The following SLC30A5 variants were observed in gnomAD, a reference collection of about 807,000 sequenced individuals.
SLC30A5 encodes proton-coupled zinc antiporter SLC30A5.
Under a neutral mutation model 79.6 loss-of-function variants are expected in SLC30A5, and 33 were observed. That is an observed-to-expected ratio of 0.41 (90% confidence interval 0.31 to 0.55). The LOEUF (loss-of-function observed/expected upper bound fraction) is 0.55, where lower values mean the gene tolerates loss of function less well. SLC30A5 is among the 20% of genes least tolerant of loss of function. The pLI, the probability that SLC30A5 is intolerant of heterozygous loss-of-function variation, is 0.20. For synonymous variants in SLC30A5, 299 were observed against 319.7 expected (o/e 0.94, Z 0.69); for missense variants, 788 against 928.1 (o/e 0.85, Z 1.96).
chr5:69,113,076 A>T, intron 5 of SLC30A5, 64 bp from the exon 6 acceptor site: 1 of 1,266,368 alleles, frequency 7.9e-7, no homozygotes, highest in Non-Finnish European at 1.1e-6. Context: ...GTATTTATGT[A>T]GTTACGGTCT....
chr5:69,104,776 TTG>T lies in SLC30A5; in HGVS notation c.359+62_359+63del, dbSNP rs1424108030. Reference sequence around the variant, plus strand: ...TATTTCTTCATTTTGAATATTATTTTTGTTCCACTGTGTTTTACGTCAAATAT... The same window carrying T: ...TATTTCTTCATTTTGAATATTATTTTTTCCACTGTGTTTTACGTCAAATAT... On this transcript the variant is annotated intron_variant, in intron 4 of 15. Coordinates refer to ENST00000396591, the MANE Select transcript of SLC30A5 (RefSeq NM_022902.5). The T allele has an allele frequency of 3.9e-6, 6 of 1,519,810 alleles. No individual in the cohort carries two copies. The East Asian group carries it at 1.1e-4, about 29-fold the overall frequency. 94.1% of individuals were successfully genotyped at this position (1,519,810 alleles called of 1,614,324 possible).
chr5:69,110,548 T>A (rs1746204348), intron 5 of SLC30A5, among the ~76,000 whole-genome samples: 1 of 152,144 alleles, frequency 6.6e-6, no homozygotes, highest in Non-Finnish European at 1.5e-5. Flanking sequence ...CCAAAATAAA[T>A]TTCAAGTGGA....
chr5:69,118,476 T>G, intron 11 of SLC30A5, 23 bp from the exon 12 acceptor site: 1 of 1,580,758 alleles, frequency 6.3e-7, no homozygotes, highest in Non-Finnish European at 8.6e-7. Flanking sequence ...TTTCCTTTTC[T>G]GAAAAATGTT....
chr5:69,115,885 A>C, intron 8 of SLC30A5, 41 bp from the exon 9 acceptor site: 14 of 1,441,926 alleles, frequency 9.7e-6, no homozygotes, highest in South Asian at 1.3e-5. Context: ...TGTGAACTTT[A>C]TACATGTATA....
chr5:69,122,122 A>G (rs541105359), intron 13 of SLC30A5, among the ~76,000 whole-genome samples: 4 of 152,334 alleles, frequency 2.6e-5, no homozygotes, highest in Admixed American at 1.3e-4. Flanking sequence ...GGCTGGGAGC[A>G]TGGTGGTTCA....
intron 7 of SLC30A5, 123 bp from the exon 8 acceptor site, chr5:69,115,114 G>C (rs970643176): frequency 2.7e-6 from 2 of 741,488 alleles, no homozygotes; most frequent in Admixed American, 2.9e-5. Context: ...CTGGGTGGCA[G>C]AGCAAGACCC....
intron 1 of SLC30A5, among the ~76,000 whole-genome samples, chr5:69,098,416 C>T (rs1289741880): frequency 6.6e-6 from 1 of 152,030 alleles, no homozygotes; most frequent in Non-Finnish European, 1.5e-5. Flanking sequence ...ATCCCAGCTA[C>T]TCAGGAGGCT....
At chr5:69,096,319 T>C (rs1745729539) in intron 1 of SLC30A5, among the ~76,000 whole-genome samples, 1 of 152,228 alleles carries the variant, frequency 6.6e-6, no homozygotes, top group African/African-American at 2.4e-5. Flanking sequence ...CTTGTAACTT[T>C]TACGTAAACT....
chr5:69,105,199 C>T (rs1167554026), intron 4 of SLC30A5, among the ~76,000 whole-genome samples: 1 of 152,114 alleles, frequency 6.6e-6, no homozygotes. Flanking sequence ...GTAAACTACT[C>T]CCATTTCATA....
intron 15 of SLC30A5, 90 bp from the exon 16 acceptor site, chr5:69,129,357 C>T (rs1746788095): frequency 1.1e-6 from 1 of 890,352 alleles, no homozygotes; most frequent in Non-Finnish European, 1.6e-6. Context: ...TAAAGATACT[C>T]AACCCGTATC....
intron 1 of SLC30A5, among the ~76,000 whole-genome samples, chr5:69,096,815 G>C (rs900231765): frequency 6.6e-6 from 1 of 151,908 alleles, no homozygotes; most frequent in African/African-American, 2.4e-5. Context: ...ATAAAAATTA[G>C]CCAGGCACAG....
At position 69,123,358 on chromosome 5, in the gene SLC30A5, C is replaced by A; in HGVS notation, c.1931C>A (p.Ala644Asp). ...FLSVVPLIKD[A>D]CQVLLLRLPP... Reference sequence around the variant, plus strand: ...AGTGTTGTTCCACTGATTAAAGATGCCTGCCAGGTTCTACTCCTGAGATTG... The same window carrying A: ...AGTGTTGTTCCACTGATTAAAGATGACTGCCAGGTTCTACTCCTGAGATTG... Residue 644 changes from alanine to aspartate, a missense_variant, in exon 14 of 16, where the codon GCC (alanine) becomes GAC (aspartate). Transcript: ENST00000396591. 1 of 1,613,928 alleles carries A rather than the reference C, an allele frequency of 6.2e-7. No homozygotes were observed. Among genetic ancestry groups the A allele is most frequent in the Non-Finnish European group, 8.5e-7 (1 of 1,179,912 alleles).
intron 13 of SLC30A5, 51 bp downstream of exon 13, chr5:69,121,946 C>A: frequency 7.0e-7 from 1 of 1,436,368 alleles, no homozygotes; most frequent in Non-Finnish European, 9.6e-7. Flanking sequence ...TCTAAATCAA[C>A]CCTCTGTGTT....
intron 12 of SLC30A5, 127 bp downstream of exon 12, chr5:69,118,755 T>G (rs1746454359): frequency 1.6e-6 from 1 of 632,324 alleles, no homozygotes; most frequent in African/African-American, 1.9e-5. Flanking sequence ...CAACATAACT[T>G]CCTATCTTGC....
intron 13 of SLC30A5, among the ~76,000 whole-genome samples, chr5:69,122,324 G>A (rs188341825): frequency 9.9e-4 from 151 of 152,246 alleles, no homozygotes; most frequent in African/African-American, 3.5e-3. Flanking sequence ...TTACAGGTGT[G>A]AGCCACCATG....
Position 69,094,090 on chromosome 5 carries a change from A to AG in SLC30A5, c.-165dup. On this transcript the variant is annotated 5_prime_UTR_variant, in exon 1 of 16. Coordinates refer to ENST00000396591, the MANE Select transcript of SLC30A5 (RefSeq NM_022902.5). ...GGCCTAGTCCCGACGCGTGTGTGCTAGTGAGCCGGAGCCGGCGACGGCGGC... is the reference window on the plus strand; with the variant it reads ...GGCCTAGTCCCGACGCGTGTGTGCTAGGTGAGCCGGAGCCGGCGACGGCGGC... The AG allele has an allele frequency of 2.5e-6, 1 of 405,430 alleles. No homozygotes were observed. The highest frequency in any genetic ancestry group is 3.6e-5 in the East Asian group (1 of 27,784). 25.1% of individuals were successfully genotyped at this position (405,430 alleles called of 1,614,324 possible).
At position 69,100,938 on chromosome 5, in the gene SLC30A5, G is replaced by C. The variant is rs200463223; in HGVS notation, c.206+9G>C. The stretch of plus-strand genomic sequence containing the variant: ...TTTATATTAAAACTTGGGTGAGTGT[G>C]GGGGGGGGTTTTTTCTTGATATTTT... On this transcript the variant is annotated intron_variant, in intron 2 of 15. Coordinates refer to ENST00000396591, the MANE Select transcript of SLC30A5 (RefSeq NM_022902.5). 5.9e-4 allele frequency: 727 copies of C among 1,232,216 alleles called. 12 individuals are homozygous for C. In the South Asian group the frequency reaches 0.011, roughly 18 times the overall value. The allele number at this position is 1,232,216 out of a possible 1,614,324, so 76.3% of individuals were successfully genotyped here.
At chr5:69,126,789 C>CA (rs1241347933) in intron 14 of SLC30A5, among the ~76,000 whole-genome samples, 3 of 143,742 alleles carry the variant, frequency 2.1e-5, no homozygotes, top group African/African-American at 2.7e-5. Context: ...AACAAACAAA[C>CA]AACAACAACA....
intron 1 of SLC30A5, among the ~76,000 whole-genome samples, chr5:69,098,105 C>G (rs543426991): frequency 7.3e-5 from 11 of 151,466 alleles, no homozygotes; most frequent in African/African-American, 2.7e-4. Context: ...GCCTAGGCTT[C>G]CCAGGCATGA....
Sources: allele counts gnomAD v4.1 joint callset (sites outside exome capture counted in the v4.1 genomes callset), GRCh38; gene constraint gnomAD v4.1.1; transcripts MANE v1.5; gene names NCBI Gene and HGNC (gene_info 2026-07-23, HGNC 2026-07-21).